SMYD3: variants seen among roughly 807,000 people sequenced by gnomAD.
The protein encoded by SMYD3 is histone-lysine N-methyltransferase SMYD3.
In SMYD3, 36 loss-of-function variants were observed where a neutral mutation model predicts 57.7. That is an observed-to-expected ratio of 0.62 (90% CI 0.48 to 0.82). The LOEUF is 0.82. Ranked by LOEUF, SMYD3 falls within the 40% of genes least tolerant of loss-of-function variation. SMYD3 has a pLI of 0.00. For missense variants in SMYD3, 515 were observed against 538.8 expected (o/e 0.96, Z 0.44); for synonymous variants, 211 against 195.0 (o/e 1.08, Z -0.68).
At chr1:246,310,417 T>C (rs2065056451) in intron 5 of SMYD3, among the ~76,000 whole-genome samples, 1 of 152,204 alleles carries the variant, frequency 6.6e-6, no homozygotes, top group South Asian at 2.1e-4. Context: ...CTTAAGATAC[T>C]AGCACCTAAC....
rs532983483 is a variant in SMYD3 at position 246,463,116 on chromosome 1, G to T, written c.164+43938C>A. On this transcript the variant is annotated intron_variant, in intron 1 of 11. Coordinates refer to ENST00000490107, the MANE Select transcript of SMYD3 (RefSeq NM_001167740.2). ...AGATGAGGCAGGGAGGGACACATAG[G>T]CATGCTAACAATCTGAAGCCCTGAA... Among the ~76,000 whole-genome samples, 9 of 152,240 alleles carry T rather than the reference G, an allele frequency of 5.9e-5. No individual in the cohort carries two copies. In the South Asian group the frequency reaches 1.9e-3, roughly 32 times the overall value.
At chr1:245,832,474 AT>A (rs1010823401) in intron 10 of SMYD3, among the ~76,000 whole-genome samples, 1 of 78,842 alleles carries the variant, frequency 1.3e-5, no homozygotes, top group African/African-American at 4.3e-5. Flanking sequence ...CATCGATTTA[AT>A]GTTTTTTTTG....
intron 5 of SMYD3, among the ~76,000 whole-genome samples, chr1:245,952,078 T>C (rs2057673922): frequency 1.3e-5 from 2 of 152,058 alleles, no homozygotes; most frequent in Admixed American, 6.5e-5. Flanking sequence ...AAAAAAAATG[T>C]TATCAATGAC....
chr1:245,902,584 A>C (rs1009333892), intron 8 of SMYD3, among the ~76,000 whole-genome samples: 2 of 152,176 alleles, frequency 1.3e-5, no homozygotes, highest in Non-Finnish European at 2.9e-5. Context: ...CCTAAGGACC[A>C]GAATGCCTGG....
chr1:246,317,008 TAAATA>T (rs2065172354), intron 5 of SMYD3, among the ~76,000 whole-genome samples: 1 of 150,606 alleles, frequency 6.6e-6, no homozygotes, highest in Non-Finnish European at 1.5e-5. Flanking sequence ...AATAAATAAA[TAAATA>T]AAATAAAAAT....
At chr1:246,103,164 A>G (rs1324333234) in intron 5 of SMYD3, among the ~76,000 whole-genome samples, 1 of 152,216 alleles carries the variant, frequency 6.6e-6, no homozygotes, top group Non-Finnish European at 1.5e-5. Context: ...TTCAAACATG[A>G]GAACTAAAGG....
At chr1:245,823,720 C>T (rs2049309052) in intron 10 of SMYD3, among the ~76,000 whole-genome samples, 1 of 152,228 alleles carries the variant, frequency 6.6e-6, no homozygotes, top group Non-Finnish European at 1.5e-5. Context: ...GAGATTTCTG[C>T]TCTCTCATTG....
intron 5 of SMYD3, among the ~76,000 whole-genome samples, chr1:246,298,896 A>G (rs1384047843): frequency 6.6e-6 from 1 of 152,160 alleles, no homozygotes; most frequent in African/African-American, 2.4e-5. Context: ...GAAAATGAAA[A>G]TTACAAAGAG....
At chr1:246,077,114 A>G (rs537358430) in intron 5 of SMYD3, among the ~76,000 whole-genome samples, 6 of 152,294 alleles carry the variant, frequency 3.9e-5, no homozygotes, top group East Asian at 3.9e-4. Flanking sequence ...GTATGGCTGG[A>G]GCATACAGGC....
At chr1:246,288,287 T>C (rs1037932150) in intron 5 of SMYD3, among the ~76,000 whole-genome samples, 10 of 152,004 alleles carry the variant, frequency 6.6e-5, no homozygotes, top group Non-Finnish European at 1.3e-4. Flanking sequence ...TTGGTCAGGC[T>C]GGTCTTGAAC....
At chr1:246,130,389 A>C (rs12068542) in intron 5 of SMYD3, among the ~76,000 whole-genome samples, 31,080 of 152,052 alleles carry the variant, frequency 0.2, 4,334 homozygotes, top group East Asian at 0.44. Context: ...ATTTAAATTA[A>C]AATACAGGTA....
intron 10 of SMYD3, among the ~76,000 whole-genome samples, chr1:245,800,549 A>C (rs769169407): frequency 1.3e-5 from 2 of 152,190 alleles, no homozygotes; most frequent in Non-Finnish European, 2.9e-5. Context: ...AAGAGAGCTC[A>C]AGCAGAAAAC....
intron 5 of SMYD3, among the ~76,000 whole-genome samples, chr1:246,320,998 G>T (rs1421941816): frequency 2.0e-5 from 3 of 152,198 alleles, no homozygotes; most frequent in Non-Finnish European, 2.9e-5. Context: ...GAAATTCCAA[G>T]AAACTACTTT....
chr1:246,230,355 G>C (rs1384466455), intron 5 of SMYD3, among the ~76,000 whole-genome samples: 7 of 152,160 alleles, frequency 4.6e-5, no homozygotes, highest in Admixed American at 2.6e-4. Context: ...GAAAGATTTA[G>C]TTTGCATAAA....
chr1:246,451,522 G>A (rs1274842535), intron 1 of SMYD3, among the ~76,000 whole-genome samples: 1 of 152,138 alleles, frequency 6.6e-6, no homozygotes, highest in Non-Finnish European at 1.5e-5. Flanking sequence ...GGATTCAGGG[G>A]GCAGGGAAAT....
intron 5 of SMYD3, among the ~76,000 whole-genome samples, chr1:246,124,932 C>T (rs1057207658): frequency 3.9e-4 from 59 of 152,116 alleles, no homozygotes; most frequent in Non-Finnish European, 7.6e-4. Flanking sequence ...ATTAGCCGGG[C>T]GTGGTGGCGG....
At chr1:246,506,995 C>CCCCCCCCCCCCCA in intron 1 of SMYD3, 59 bp downstream of exon 1, 1 of 825,154 alleles carries the variant, frequency 1.2e-6, no homozygotes, top group Non-Finnish European at 1.6e-6. Context: ...CGACGCCCCC[C>CCCCCCCCCCCCCA]CCTCCCCAGC....
chr1:245,878,631 G>A (rs1342945101), intron 8 of SMYD3, among the ~76,000 whole-genome samples: 1 of 152,214 alleles, frequency 6.6e-6, no homozygotes, highest in African/African-American at 2.4e-5. Context: ...GGGTCTGGGA[G>A]TGCTATAGAG....
chr1:245,797,385 A>T (rs2047571319), intron 10 of SMYD3, among the ~76,000 whole-genome samples: 1 of 151,642 alleles, frequency 6.6e-6, no homozygotes, highest in African/African-American at 2.4e-5. Flanking sequence ...AGGGACATGG[A>T]TGAAGCTGGA....
Sources: gnomAD v4.1 joint callset for allele counts (sites outside exome capture counted in the v4.1 genomes callset) on GRCh38, gnomAD v4.1.1 for gene constraint, MANE v1.5 for transcripts, NCBI Gene and HGNC (gene_info 2026-07-23, HGNC 2026-07-21) for gene names.